The following PHACTR1 variants were observed in gnomAD, a reference collection of about 807,000 sequenced individuals.
PHACTR1 encodes the protein phosphatase and actin regulator 1.
A neutral mutation model predicts 69.2 loss-of-function variants in PHACTR1; 16 were observed. The observed-to-expected ratio is 0.23, with a 90% confidence interval of 0.16 to 0.35. PHACTR1 has a LOEUF of 0.35. Among genes scored for constraint, PHACTR1 ranks in the 10% least tolerant of loss-of-function variants. The pLI, the probability that PHACTR1 is intolerant of heterozygous loss-of-function variation, is 1.00. For missense variants in PHACTR1, 510 were observed against 734.7 expected (o/e 0.69, Z 3.54); for synonymous variants, 312 against 284.5 (o/e 1.10, Z -0.97).
intron 4 of PHACTR1, among the ~76,000 whole-genome samples, chr6:12,848,217 T>C (rs1240113874): frequency 6.6e-6 from 1 of 152,216 alleles, no homozygotes; most frequent in Non-Finnish European, 1.5e-5. Flanking sequence ...AAATCAAACC[T>C]GTATGCTAAC....
intron 4 of PHACTR1, among the ~76,000 whole-genome samples, chr6:13,046,647 C>T (rs563811363): frequency 6.6e-6 from 1 of 152,122 alleles, no homozygotes; most frequent in Admixed American, 6.5e-5. Flanking sequence ...TTCCTTTAAC[C>T]AGGCAACCTC....
chr6:12,995,640 T>A (rs1797339998), intron 4 of PHACTR1, among the ~76,000 whole-genome samples: 1 of 152,068 alleles, frequency 6.6e-6, no homozygotes, highest in Non-Finnish European at 1.5e-5. Context: ...GTATTAATAC[T>A]TAATGGTAAA....
chr6:12,830,480 G>A (rs1288533828), intron 4 of PHACTR1, among the ~76,000 whole-genome samples: 1 of 152,068 alleles, frequency 6.6e-6, no homozygotes, highest in African/African-American at 2.4e-5. Context: ...AAGGAGAGAG[G>A]GGGAGGGAAA....
At chr6:13,152,317 G>A (rs535070399) in intron 5 of PHACTR1, among the ~76,000 whole-genome samples, 1 of 151,470 alleles carries the variant, frequency 6.6e-6, no homozygotes, top group South Asian at 2.1e-4. Flanking sequence ...CTGGGCAACA[G>A]AGCAAGACTC....
At chr6:12,815,820 A>G (rs1362468764) in intron 4 of PHACTR1, among the ~76,000 whole-genome samples, 3 of 152,150 alleles carry the variant, frequency 2.0e-5, no homozygotes, top group Non-Finnish European at 4.4e-5. Flanking sequence ...GTACCTTTCC[A>G]CAAGAAACTG....
chr6:12,853,744 A>T (rs138638202), intron 4 of PHACTR1, among the ~76,000 whole-genome samples: 2,744 of 152,280 alleles, frequency 0.018, 75 homozygotes, highest in African/African-American at 0.06. Flanking sequence ...GAACTAACTC[A>T]CTATCATGAG....
At chr6:12,749,589 C>T in intron 3 of PHACTR1, 55 bp from the exon 4 acceptor site, 1 of 1,109,516 alleles carries the variant, frequency 9.0e-7, no homozygotes, top group Non-Finnish European at 1.2e-6. Flanking sequence ...TCTTCCTCTC[C>T]CCTCCTCCCC....
intron 5 of PHACTR1, among the ~76,000 whole-genome samples, chr6:13,073,323 T>G (rs555682095): frequency 7.4e-4 from 106 of 143,896 alleles, no homozygotes; most frequent in Middle Eastern, 7.0e-3. Context: ...CAACCAATCA[T>G]TCCATGAATT....
chr6:12,868,303 G>A (rs1781674034), intron 4 of PHACTR1, among the ~76,000 whole-genome samples: 1 of 150,490 alleles, frequency 6.6e-6, no homozygotes, highest in African/African-American at 2.4e-5. Context: ...CAGTGCACAT[G>A]TCAACCCTTC....
chr6:12,766,255 G>T (rs1032845742), intron 4 of PHACTR1, among the ~76,000 whole-genome samples: 1 of 152,172 alleles, frequency 6.6e-6, no homozygotes, highest in African/African-American at 2.4e-5. Flanking sequence ...CTTTCAGTCT[G>T]TTGTCATGCT....
intron 4 of PHACTR1, among the ~76,000 whole-genome samples, chr6:12,859,238 A>G (rs918993798): frequency 1.3e-5 from 2 of 152,246 alleles, no homozygotes; most frequent in Non-Finnish European, 2.9e-5. Flanking sequence ...ATCACAGGTT[A>G]CTGGCCATTC....
intron 4 of PHACTR1, among the ~76,000 whole-genome samples, chr6:12,865,560 G>T (rs1207631351): frequency 1.3e-5 from 2 of 152,000 alleles, no homozygotes; most frequent in Admixed American, 1.3e-4. Context: ...TCTTTAATGG[G>T]CACCTTTGTA....
intron 4 of PHACTR1, among the ~76,000 whole-genome samples, chr6:12,834,887 C>T (rs1160086866): frequency 1.4e-5 from 2 of 145,704 alleles, no homozygotes; most frequent in Non-Finnish European, 3.1e-5. Context: ...CCTCCTAGAA[C>T]AGAATGATTA....
intron 4 of PHACTR1, among the ~76,000 whole-genome samples, chr6:12,931,943 C>T (rs560287627): frequency 1.3e-4 from 20 of 151,660 alleles, no homozygotes; most frequent in Non-Finnish European, 1.9e-4. Flanking sequence ...CTCTATAGAC[C>T]GGTGGTTCCA....
chr6:12,910,291 T>C (rs1399986336), intron 4 of PHACTR1, among the ~76,000 whole-genome samples: 2 of 152,156 alleles, frequency 1.3e-5, no homozygotes, highest in African/African-American at 4.8e-5. Context: ...ACTCTAATAA[T>C]GGCCCCCCAG....
intron 4 of PHACTR1, among the ~76,000 whole-genome samples, chr6:12,842,061 T>C (rs912269834): frequency 2.6e-5 from 4 of 152,186 alleles, no homozygotes; most frequent in Non-Finnish European, 5.9e-5. Context: ...CAACTGTTTT[T>C]CTACCTTTTA....
chr6:12,854,894 G>T (rs1780189394), intron 4 of PHACTR1, among the ~76,000 whole-genome samples: 4 of 152,160 alleles, frequency 2.6e-5, no homozygotes, highest in Admixed American at 2.6e-4. Context: ...AATGTCAGCT[G>T]TTGGCAAGGT....
intron 10 of PHACTR1, among the ~76,000 whole-genome samples, chr6:13,231,758 A>G (rs1771253985): frequency 6.6e-6 from 1 of 152,266 alleles, no homozygotes; most frequent in African/African-American, 2.4e-5. Flanking sequence ...ATGTGACATT[A>G]GGTAACCTTT....
intron 4 of PHACTR1, among the ~76,000 whole-genome samples, chr6:12,913,753 A>G (rs574752752): frequency 6.6e-6 from 1 of 152,304 alleles, no homozygotes; most frequent in African/African-American, 2.4e-5. Flanking sequence ...GGCATGTTTC[A>G]TGATGAAGAA....
Sources: gnomAD v4.1 joint callset for allele counts (sites outside exome capture counted in the v4.1 genomes callset) on GRCh38, gnomAD v4.1.1 for gene constraint, MANE v1.5 for transcripts, NCBI Gene and HGNC (gene_info 2026-07-23, HGNC 2026-07-21) for gene names.